The following CNTNAP2 variants were observed in gnomAD, a reference collection of about 807,000 sequenced individuals.
The protein encoded by CNTNAP2 is contactin-associated protein-like 2.
Under a neutral mutation model 155.2 loss-of-function variants are expected in CNTNAP2, and 98 were observed. The observed-to-expected ratio is 0.63, with a 90% CI of 0.54 to 0.75. CNTNAP2 has a LOEUF of 0.75. CNTNAP2 is among the 30% of genes least tolerant of loss of function. The pLI, the probability that CNTNAP2 is intolerant of heterozygous loss-of-function variation, is 0.00. For synonymous variants in CNTNAP2, 651 were observed against 631.2 expected, an observed-to-expected ratio of 1.03 and a Z score of -0.47; for missense variants, 1,727 against 1,688.1, an observed-to-expected ratio of 1.02 and a Z score of -0.40.
intron 1 of CNTNAP2, among the ~76,000 whole-genome samples, chr7:146,421,746 A>G (rs1163764116): frequency 6.6e-6 from 1 of 152,012 alleles, no homozygotes; most frequent in Non-Finnish European, 1.5e-5. Flanking sequence ...ATAGACATAT[A>G]TAAGATAACA....
At chr7:147,307,068 T>C (rs1795042865) in intron 9 of CNTNAP2, among the ~76,000 whole-genome samples, 1 of 152,210 alleles carries the variant, frequency 6.6e-6, no homozygotes, top group African/African-American at 2.4e-5. Context: ...TTTTGTACGA[T>C]GGGCATCTAC....
intron 2 of CNTNAP2, among the ~76,000 whole-genome samples, chr7:146,817,769 T>C (rs1384056156): frequency 2.0e-5 from 3 of 152,064 alleles, no homozygotes; most frequent in Non-Finnish European, 1.5e-5. Context: ...AAACCATTAA[T>C]GAAAAACCAC....
intron 1 of CNTNAP2, among the ~76,000 whole-genome samples, chr7:146,597,270 A>G (rs1214640162): frequency 6.6e-6 from 1 of 152,064 alleles, no homozygotes. Flanking sequence ...AAGGTTATTT[A>G]GTGTGCTTTA....
At chr7:148,396,002 G>A (rs959389216) in intron 22 of CNTNAP2, among the ~76,000 whole-genome samples, 11 of 152,112 alleles carry the variant, frequency 7.2e-5, no homozygotes, top group African/African-American at 2.7e-4. Context: ...TCCCTGGGCT[G>A]TCCACCCTCC....
At chr7:146,541,521 C>G (rs114866105) in intron 1 of CNTNAP2, among the ~76,000 whole-genome samples, 1 of 151,940 alleles carries the variant, frequency 6.6e-6, no homozygotes, top group African/African-American at 2.4e-5. Context: ...AGTCTCTGCC[C>G]CTACATTTTG....
At chr7:148,209,797 C>T (rs1193860102) in intron 18 of CNTNAP2, among the ~76,000 whole-genome samples, 1 of 152,142 alleles carries the variant, frequency 6.6e-6, no homozygotes, top group Non-Finnish European at 1.5e-5. Flanking sequence ...GTGTAAAAAC[C>T]AAAATCCTCA....
chr7:147,025,849 TTG>T (rs1212046339), intron 3 of CNTNAP2, among the ~76,000 whole-genome samples: 2 of 127,958 alleles, frequency 1.6e-5, no homozygotes, highest in East Asian at 5.0e-4. Flanking sequence ...TGTGTTGCTG[TTG>T]TTTTTTTTTT....
chr7:146,497,025 A>G, intron 1 of CNTNAP2, among the ~76,000 whole-genome samples: 1 of 152,164 alleles, frequency 6.6e-6, no homozygotes, highest in East Asian at 1.9e-4. Context: ...AGTACATGTA[A>G]TCTCCTTTCC....
chr7:147,226,884 T>C (rs1257510618), intron 8 of CNTNAP2, among the ~76,000 whole-genome samples: 2 of 152,228 alleles, frequency 1.3e-5, no homozygotes, highest in Non-Finnish European at 2.9e-5. Context: ...ACTACCTTTA[T>C]TGTACCAGTT....
intron 13 of CNTNAP2, among the ~76,000 whole-genome samples, chr7:147,715,935 T>C (rs190565150): frequency 6.6e-6 from 1 of 152,318 alleles, no homozygotes; most frequent in African/African-American, 2.4e-5. Context: ...TGCCTATAAA[T>C]CATTGCATCG....
intron 1 of CNTNAP2, among the ~76,000 whole-genome samples, chr7:146,440,191 C>A (rs764907329): frequency 6.6e-6 from 1 of 151,406 alleles, no homozygotes; most frequent in Non-Finnish European, 1.5e-5. Context: ...TTTGACAGAC[C>A]AGTTGCTGTA....
At chr7:147,374,911 C>T (rs1014882143) in intron 9 of CNTNAP2, among the ~76,000 whole-genome samples, 1 of 151,918 alleles carries the variant, frequency 6.6e-6, no homozygotes, top group Admixed American at 6.6e-5. Context: ...CTCTGTGTCC[C>T]CACCCAAATC....
At chr7:147,294,183 T>C (rs1805372681) in intron 8 of CNTNAP2, among the ~76,000 whole-genome samples, 1 of 152,160 alleles carries the variant, frequency 6.6e-6, no homozygotes, top group African/African-American at 2.4e-5. Context: ...CAATTCTCCA[T>C]TTTCCCTGGA....
intron 2 of CNTNAP2, among the ~76,000 whole-genome samples, chr7:146,832,441 A>G (rs2129198903): frequency 6.7e-6 from 1 of 150,202 alleles, no homozygotes; most frequent in Admixed American, 6.7e-5. Flanking sequence ...TAACAGGTTT[A>G]CTGATGTATA....
chr7:147,771,607 T>G lies in CNTNAP2; in HGVS notation c.2099-131958T>G, dbSNP rs1797470556. Among the ~76,000 whole-genome samples, 3 of 152,188 alleles carry G rather than the reference T, an allele frequency of 2.0e-5. No individual in the cohort carries two copies. In the South Asian group the frequency reaches 6.2e-4, roughly 31 times the overall value. On this transcript the variant is annotated intron_variant, in intron 13 of 23. Coordinates refer to ENST00000361727, the MANE Select transcript of CNTNAP2 (RefSeq NM_014141.6). ...CAGGGGCATTGTACATAGTTGAAAT[T>G]TCGTTCACATTCTGACATTATATAG... is the stretch of plus-strand genomic sequence containing the variant.
chr7:147,159,790 G>A (rs756447379), intron 8 of CNTNAP2, among the ~76,000 whole-genome samples: 24 of 152,062 alleles, frequency 1.6e-4, no homozygotes, highest in African/African-American at 3.4e-4. Flanking sequence ...CTATGGTCAC[G>A]CCTACCAACT....
At chr7:148,181,450 A>G (rs959608468) in intron 18 of CNTNAP2, among the ~76,000 whole-genome samples, 9 of 152,190 alleles carry the variant, frequency 5.9e-5, no homozygotes, top group Admixed American at 5.9e-4. Flanking sequence ...AAAGAAAATA[A>G]TTTTGACTTA....
chr7:147,067,585 T>C (rs1210119099), intron 4 of CNTNAP2, among the ~76,000 whole-genome samples: 1 of 152,210 alleles, frequency 6.6e-6, no homozygotes, highest in East Asian at 1.9e-4. Context: ...CTGTCCGACA[T>C]TAATTCAGGC....
intron 12 of CNTNAP2, among the ~76,000 whole-genome samples, chr7:147,578,771 A>G (rs1412189971): frequency 6.6e-6 from 1 of 152,112 alleles, no homozygotes; most frequent in African/African-American, 2.4e-5. Context: ...AAACTACAAA[A>G]GAAACCATTT....
Sources: gnomAD v4.1 joint callset for allele counts (sites outside exome capture counted in the v4.1 genomes callset) on GRCh38, gnomAD v4.1.1 for gene constraint, MANE v1.5 for transcripts, NCBI Gene and HGNC (gene_info 2026-07-23, HGNC 2026-07-21) for gene names.